The following CACNA1C variants were observed in gnomAD, a reference collection of about 807,000 sequenced individuals.
The protein encoded by CACNA1C is voltage-dependent L-type calcium channel subunit alpha-1C.
Under a neutral mutation model 229.0 loss-of-function variants are expected in CACNA1C, and 30 were observed. The observed-to-expected ratio is 0.13, with a 90% CI of 0.10 to 0.18. The LOEUF is 0.18. Ranked by LOEUF, CACNA1C falls within the 10% of genes least tolerant of loss-of-function variation. CACNA1C has a pLI of 1.00. For missense variants in CACNA1C, 1,658 were observed against 2,845.0 expected (o/e 0.58, Z 9.49); for synonymous variants, 1,114 against 1,132.5 (o/e 0.98, Z 0.33).
chr12:2,212,608 A>G (rs1438528032), intron 3 of CACNA1C, among the ~76,000 whole-genome samples: 9 of 152,168 alleles, frequency 5.9e-5, no homozygotes, highest in Admixed American at 3.9e-4. Context: ...AAAGGTATGT[A>G]TTTTATTTAG....
At chr12:2,129,002 C>T (rs1452211303) in intron 3 of CACNA1C, among the ~76,000 whole-genome samples, 2 of 152,208 alleles carry the variant, frequency 1.3e-5, no homozygotes, top group East Asian at 3.9e-4. Flanking sequence ...TCTGCTACAG[C>T]TGCCTCCTTG....
Position 2,512,705 on chromosome 12 carries a change from G to C in CACNA1C, c.1218-107G>C. 1.2e-6 allele frequency: 1 copy of C among 847,238 alleles called. No individual in the cohort carries two copies. Among genetic ancestry groups the C allele is most frequent in the Non-Finnish European group, 1.8e-6 (1 of 559,628 alleles). The allele number at this position is 847,238 out of a possible 1,614,324, so 52.5% of individuals were successfully genotyped here. ...AGGTTTCTCCCTGCAAAGCAATTAA[G>C]ACTCTTGTTTCTCCTTATCTCCATC... On this transcript the variant is annotated intron_variant, in intron 8 of 46. Transcript: ENST00000399655. The surrounding 1 kb of genome is among the most constrained non-coding windows in gnomAD (Gnocchi z 4.3).
At chr12:2,626,337 C>G (rs2086518347) in intron 29 of CACNA1C, among the ~76,000 whole-genome samples, 1 of 152,182 alleles carries the variant, frequency 6.6e-6, no homozygotes, top group African/African-American at 2.4e-5. Context: ...AGGGACCTCT[C>G]TGTTTGGGGT....
chr12:2,327,648 G>A (rs910642087), intron 3 of CACNA1C, among the ~76,000 whole-genome samples: 2 of 152,212 alleles, frequency 1.3e-5, no homozygotes, highest in Non-Finnish European at 2.9e-5. Flanking sequence ...GAACCTGATT[G>A]GCTAAGCTTA....
At chr12:2,119,467 T>C (rs2085518245) in intron 2 of CACNA1C, among the ~76,000 whole-genome samples, 1 of 152,186 alleles carries the variant, frequency 6.6e-6, no homozygotes, top group Non-Finnish European at 1.5e-5. Context: ...AGGGGTATTA[T>C]CACATTAGCT....
chr12:2,612,284 C>G, intron 29 of CACNA1C: 1 of 404,224 alleles, frequency 2.5e-6, no homozygotes. Context: ...CTGAGCCTCT[C>G]CTAGGAGAGG....
At chr12:2,077,075 T>A (rs1022837519) in intron 1 of CACNA1C, among the ~76,000 whole-genome samples, 1 of 152,250 alleles carries the variant, frequency 6.6e-6, no homozygotes, top group South Asian at 2.1e-4. Context: ...AAGTTTGATT[T>A]AAGATGTGTA....
intron 5 of CACNA1C, among the ~76,000 whole-genome samples, chr12:2,463,333 C>T (rs2099528110): frequency 6.6e-6 from 1 of 152,172 alleles, no homozygotes; most frequent in Non-Finnish European, 1.5e-5. Flanking sequence ...ATTTGTTCAA[C>T]AAAATCGACT....
At chr12:1,972,253 CACA>C (rs2154458445) in intron 1 of CACNA1C, among the ~76,000 whole-genome samples, 1 of 152,342 alleles carries the variant, frequency 6.6e-6, no homozygotes, top group Non-Finnish European at 1.5e-5. Flanking sequence ...AAGTCTTCCT[CACA>C]AGAGTAGAAT....
chr12:2,540,950 G>A (rs1026237352), intron 9 of CACNA1C, among the ~76,000 whole-genome samples: 2 of 152,174 alleles, frequency 1.3e-5, no homozygotes, highest in East Asian at 1.9e-4. Context: ...GTGCTGGCGG[G>A]CTTGGTTCCT....
chr12:2,608,763 C>T lies in CACNA1C; in HGVS notation c.3558+51C>T. 6.3e-7 allele frequency: 1 copy of T among 1,582,972 alleles called. No individual in the cohort carries two copies. The highest frequency in any genetic ancestry group is 8.6e-7 in the Non-Finnish European group (1 of 1,157,092). ...GAAGCGGGGCCCACGGAGGGAATGG[C>T]AGCCTGCGGCCCACCCCGCAGAGGG... On this transcript the variant is annotated intron_variant, in intron 27 of 46. Transcript: ENST00000399655. The surrounding 1 kb of genome is among the most constrained non-coding windows in gnomAD (Gnocchi z 4.2).
chr12:2,187,506 C>T (rs1010511777), intron 3 of CACNA1C, among the ~76,000 whole-genome samples: 1 of 147,906 alleles, frequency 6.8e-6, no homozygotes, highest in African/African-American at 2.6e-5. Flanking sequence ...TCAGCCTCTT[C>T]CCAAGGCTGA....
intron 3 of CACNA1C, among the ~76,000 whole-genome samples, chr12:2,350,088 A>G (rs1281792266): frequency 6.6e-6 from 1 of 152,196 alleles, no homozygotes; most frequent in African/African-American, 2.4e-5. Context: ...CTGTCTAGTG[A>G]GAAGGTGATC....
At chr12:2,267,514 C>G (rs944422854) in intron 3 of CACNA1C, among the ~76,000 whole-genome samples, 9 of 152,076 alleles carry the variant, frequency 5.9e-5, no homozygotes, top group Admixed American at 5.2e-4. Flanking sequence ...ACCATCTGCC[C>G]CCATGAAGAT....
At chr12:2,178,756 C>G (rs1178137664) in intron 3 of CACNA1C, among the ~76,000 whole-genome samples, 1 of 152,070 alleles carries the variant, frequency 6.6e-6, no homozygotes, top group Non-Finnish European at 1.5e-5. Flanking sequence ...AATTCACAGA[C>G]CCTGAGAAGA....
chr12:2,343,215 A>G (rs563365618), intron 3 of CACNA1C, among the ~76,000 whole-genome samples: 15 of 152,280 alleles, frequency 9.9e-5, no homozygotes, highest in African/African-American at 2.9e-4. Context: ...ATCTGCCACA[A>G]AGCTTGTTAA....
intron 1 of CACNA1C, among the ~76,000 whole-genome samples, chr12:2,104,777 G>T (rs1467959428): frequency 6.6e-6 from 1 of 152,216 alleles, no homozygotes; most frequent in African/African-American, 2.4e-5. Context: ...ATTTAGATTT[G>T]CTATCACCAG....
chr12:1,974,799 T>C (rs545948657), intron 1 of CACNA1C, among the ~76,000 whole-genome samples: 4 of 152,202 alleles, frequency 2.6e-5, no homozygotes, highest in Non-Finnish European at 5.9e-5. Flanking sequence ...ACTATCACCA[T>C]AAGTGAATCT....
At chr12:2,660,813 G>A (rs2095677809) in intron 34 of CACNA1C, 1 of 152,050 alleles carries the variant, frequency 6.6e-6, no homozygotes, top group Admixed American at 6.6e-5. Flanking sequence ...GACAGAGCAA[G>A]ACTCTGTCTC....
Sources: allele counts gnomAD v4.1 joint callset (sites outside exome capture counted in the v4.1 genomes callset), GRCh38; gene constraint gnomAD v4.1.1; non-coding constraint Gnocchi (gnomAD v3.1); transcripts MANE v1.5; gene names NCBI Gene and HGNC (gene_info 2026-07-23, HGNC 2026-07-21).